COL18A1: variants seen among roughly 807,000 people sequenced by gnomAD.
COL18A1 encodes the protein collagen type XVIII alpha 1 chain, also known as collagen alpha-1(XVIII) chain.
A neutral mutation model predicts 168.0 loss-of-function variants in COL18A1; 133 were observed. The observed-to-expected ratio is 0.79, with a 90% CI of 0.69 to 0.91. The LOEUF (loss-of-function observed/expected upper bound fraction) is 0.91. Among genes scored for constraint, COL18A1 ranks in the 40% least tolerant of loss-of-function variants. The pLI is 0.00. For missense variants in COL18A1, 2,126 were observed against 1,925.4 expected, an observed-to-expected ratio of 1.10 and a Z score of -1.95; for synonymous variants, 949 against 809.0, an observed-to-expected ratio of 1.17 and a Z score of -2.94.
intron 2 of COL18A1, among the ~76,000 whole-genome samples, chr21:45,416,786 C>A (rs1471899227): frequency 6.6e-6 from 1 of 152,214 alleles, no homozygotes; most frequent in Non-Finnish European, 1.5e-5. Context: ...GCTCACTTTG[C>A]CTGGGTCTTT....
At chr21:45,489,166 A>G in intron 18 of COL18A1, among the ~76,000 whole-genome samples, 1 of 152,220 alleles carries the variant, frequency 6.6e-6, no homozygotes, top group East Asian at 1.9e-4. Context: ...AGGCTGACTT[A>G]TGGGAAGGGC....
chr21:45,490,336 C>T lies in COL18A1; in HGVS notation c.2021C>T (p.Ala674Val). The T allele has an allele frequency of 6.3e-7, 1 of 1,580,786 alleles. No homozygotes were observed. Among genetic ancestry groups the T allele is most frequent in the Non-Finnish European group, 8.6e-7 (1 of 1,163,912 alleles). The change falls in exon 20 of 42, where the codon GCT (alanine) becomes GTT (valine). Residue 674 changes from alanine (A) to valine (V), a missense_variant. Ala to Val is a moderately conservative substitution (Grantham distance 64, BLOSUM62 0). Transcript: ENST00000651438. ...GGCCTCCCTGGCAGAGAGGGCATTG[C>T]TGGGCCCCAGGTGAGTTGCCTTGGT... ...FPGLPGREGI[A>V]GPQGPKGDRG...
chr21:45,484,282 T>A (rs1408743580), intron 15 of COL18A1, among the ~76,000 whole-genome samples: 2 of 124,828 alleles, frequency 1.6e-5, no homozygotes, highest in Non-Finnish European at 3.3e-5. Flanking sequence ...GGCACACACA[T>A]CTCCAGCATA....
intron 38 of COL18A1, 152 bp downstream of exon 38, chr21:45,507,745 G>A (rs1217107659): frequency 1.3e-6 from 1 of 762,548 alleles, no homozygotes; most frequent in African/African-American, 1.7e-5. Context: ...AACTGGTGCA[G>A]GACACCCCAC....
chr21:45,507,898 C>T (rs2037318416), intron 38 of COL18A1, among the ~76,000 whole-genome samples: 1 of 152,244 alleles, frequency 6.6e-6, no homozygotes, highest in African/African-American at 2.4e-5. Flanking sequence ...GGCCAAAATC[C>T]ACATCTTGTG....
Position 45,471,037 on chromosome 21 carries a change from G to A in COL18A1, c.651+2251G>A, listed in dbSNP as rs1195687297. Reference sequence around the variant, plus strand: ...GGCGTGCTACGGGCTTGTGCTGCTGGGTGTGGGTGGCGCGCTACGGGCCTT... The same window carrying A: ...GGCGTGCTACGGGCTTGTGCTGCTGAGTGTGGGTGGCGCGCTACGGGCCTT... On this transcript the variant is annotated intron_variant, in intron 3 of 41. Transcript: ENST00000651438. The surrounding 1 kb of genome is among the most constrained non-coding windows in gnomAD (Gnocchi z 4.4). Among the ~76,000 whole-genome samples the A allele has an allele frequency of 6.6e-6, 1 of 151,726 alleles. No individual in the cohort carries two copies. The highest frequency in any genetic ancestry group is 1.9e-4 in the East Asian group (1 of 5,150).
chr21:45,471,121 A>G lies in COL18A1; in HGVS notation c.651+2335A>G, dbSNP rs1316611642. 8.9e-5 allele frequency among the ~76,000 whole-genome samples: 9 copies of G among 101,692 alleles called. No homozygotes were observed. The highest frequency in any genetic ancestry group is 3.1e-4 in the South Asian group (1 of 3,228). 66.7% of individuals were successfully genotyped at this position (101,692 alleles called of 152,430 possible). A position where few individuals can be genotyped will look rare whatever the true frequency, so the allele number is the denominator to read the frequency against. On this transcript the variant is annotated intron_variant, in intron 3 of 41. Coordinates refer to ENST00000651438, the MANE Select transcript of COL18A1 (RefSeq NM_001379500.1). This position sits in a 1 kb window ranked among gnomAD's most constrained non-coding sequence, Gnocchi z 4.4. ...GTGTGCTGCTGGGCCTGGGTGGCGC[A>G]CTACGGGCCTTGTGCTGCTGGGCGT...
At chr21:45,437,487 C>A (rs2034176261) in intron 2 of COL18A1, among the ~76,000 whole-genome samples, 1 of 66,158 alleles carries the variant, frequency 1.5e-5, no homozygotes, top group African/African-American at 7.4e-5. Flanking sequence ...TGCACACACT[C>A]ACACTCACAC....
intron 2 of COL18A1, among the ~76,000 whole-genome samples, chr21:45,437,301 C>T (rs563688164): frequency 8.0e-6 from 1 of 124,878 alleles, no homozygotes; most frequent in South Asian, 2.8e-4. Flanking sequence ...CACACACACA[C>T]TCACACAGGC....
At chr21:45,455,365 C>T (rs966125377) in intron 2 of COL18A1, 2 of 960,410 alleles carry the variant, frequency 2.1e-6, no homozygotes, top group Admixed American at 4.8e-5. Flanking sequence ...CACCTTGATT[C>T]CAAGGCTGGT....
intron 2 of COL18A1, among the ~76,000 whole-genome samples, chr21:45,411,492 G>A (rs2033287061): frequency 6.6e-6 from 1 of 152,120 alleles, no homozygotes; most frequent in Admixed American, 6.5e-5. Flanking sequence ...GAGAAGAGAA[G>A]GAAACACCAC....
At chr21:45,488,465 G>T in intron 18 of COL18A1, 21 bp downstream of exon 18, 5 of 1,613,878 alleles carry the variant, frequency 3.1e-6, no homozygotes, top group Non-Finnish European at 4.2e-6. Flanking sequence ...GATATGTCTG[G>T]GTTTCTGTGG....
intron 22 of COL18A1, 147 bp downstream of exon 22, chr21:45,491,461 G>A (rs575938209): frequency 2.9e-4 from 192 of 662,624 alleles, no homozygotes; most frequent in Non-Finnish European, 2.5e-5. Flanking sequence ...CCTCGGTGGG[G>A]GCTGCAGACG....
At chr21:45,440,030 C>G (rs2034326838) in intron 2 of COL18A1, among the ~76,000 whole-genome samples, 1 of 152,248 alleles carries the variant, frequency 6.6e-6, no homozygotes, top group African/African-American at 2.4e-5. Flanking sequence ...AAAGCGCCAG[C>G]GGAGGCTGGC....
intron 2 of COL18A1, among the ~76,000 whole-genome samples, chr21:45,446,726 C>T (rs1186298144): frequency 6.6e-6 from 1 of 151,282 alleles, no homozygotes; most frequent in East Asian, 1.9e-4. Flanking sequence ...ACTAGTTTAT[C>T]TTACGAATTA....
chr21:45,428,395 C>T (rs141429437), intron 2 of COL18A1, among the ~76,000 whole-genome samples: 5 of 152,310 alleles, frequency 3.3e-5, no homozygotes, highest in East Asian at 1.9e-4. Context: ...CAGCCAGGAC[C>T]GAGGCCACCA....
intron 38 of COL18A1, among the ~76,000 whole-genome samples, chr21:45,508,083 G>C (rs1484772843): frequency 6.8e-6 from 1 of 146,736 alleles, no homozygotes; most frequent in African/African-American, 2.5e-5. Flanking sequence ...ATGGTGGACA[G>C]GTGGGTGAGT....
At chr21:45,484,414 T>A (rs1420464048) in intron 15 of COL18A1, among the ~76,000 whole-genome samples, 1 of 132,866 alleles carries the variant, frequency 7.5e-6, no homozygotes, top group Admixed American at 7.6e-5. Context: ...CACACACACC[T>A]CTCCAGCATA....
rs954575787 is a variant in COL18A1, at chr21:45,471,904, G to T, written c.652-1991G>T. Among the ~76,000 whole-genome samples, 1 of 152,168 alleles carries T rather than the reference G, an allele frequency of 6.6e-6. No individual in the cohort carries two copies. The highest frequency in any genetic ancestry group is 1.9e-4 in the East Asian group (1 of 5,184). ...CGAAGTCCCTTAAATATTTACAATGGGCCTGTGGCTTTTGCACTAGCGCCT... is the reference window on the plus strand; with the variant it reads ...CGAAGTCCCTTAAATATTTACAATGTGCCTGTGGCTTTTGCACTAGCGCCT... On this transcript the variant is annotated intron_variant, in intron 3 of 41. Coordinates refer to ENST00000651438, the MANE Select transcript of COL18A1 (RefSeq NM_001379500.1). The surrounding 1 kb of genome is among the most constrained non-coding windows in gnomAD (Gnocchi z 4.4).
Sources: gnomAD v4.1 joint callset for allele counts (sites outside exome capture counted in the v4.1 genomes callset) on GRCh38, gnomAD v4.1.1 for gene constraint, Gnocchi (gnomAD v3.1) non-coding constraint, MANE v1.5 for transcripts, NCBI Gene and HGNC (gene_info 2026-07-23, HGNC 2026-07-21) for gene names.